Variants in GALNTL6 observed in about 807,000 individuals in gnomAD.
GALNTL6 encodes the protein polypeptide N-acetylgalactosaminyltransferase like 6.
GALNTL6 carries 46 observed loss-of-function variants against 73.7 expected under a neutral mutation model. That is an observed-to-expected ratio of 0.62 (90% CI 0.49 to 0.80). The LOEUF (loss-of-function observed/expected upper bound fraction) is 0.80, where lower values mean the gene tolerates loss of function less well. GALNTL6 is among the 30% of genes least tolerant of loss of function. The pLI is 0.00. For synonymous variants in GALNTL6, 259 were observed against 263.7 expected (o/e 0.98, Z 0.17); for missense variants, 604 against 755.0 (o/e 0.80, Z 2.34).
chr4:172,477,142 G>A (rs1170246691), intron 5 of GALNTL6, among the ~76,000 whole-genome samples: 1 of 150,726 alleles, frequency 6.6e-6, no homozygotes, highest in Admixed American at 6.6e-5. Context: ...AGCCAGGATG[G>A]TCTCAATAAT....
At chr4:172,990,439 A>C (rs951643041) in intron 10 of GALNTL6, among the ~76,000 whole-genome samples, 2 of 152,220 alleles carry the variant, frequency 1.3e-5, no homozygotes, top group African/African-American at 2.4e-5. Context: ...CAGTATGTCA[A>C]GCAGTAAGTC....
intron 8 of GALNTL6, among the ~76,000 whole-genome samples, chr4:172,896,611 G>A (rs1473455018): frequency 1.3e-5 from 2 of 152,240 alleles, no homozygotes; most frequent in Non-Finnish European, 2.9e-5. Context: ...TTGAGACTGG[G>A]ATCCCTCAGG....
At chr4:172,261,874 C>A (rs917515727) in intron 3 of GALNTL6, among the ~76,000 whole-genome samples, 4 of 151,268 alleles carry the variant, frequency 2.6e-5, no homozygotes, top group African/African-American at 9.7e-5. Context: ...CATTCGAGAG[C>A]AGATTATTTA....
chr4:172,072,406 T>A (rs1015415633), intron 2 of GALNTL6, among the ~76,000 whole-genome samples: 4 of 152,152 alleles, frequency 2.6e-5, no homozygotes, highest in African/African-American at 9.7e-5. Context: ...TTTCATGCAG[T>A]TTCATATCTT....
At chr4:172,285,887 A>C (rs1453831379) in intron 3 of GALNTL6, among the ~76,000 whole-genome samples, 1 of 152,208 alleles carries the variant, frequency 6.6e-6, no homozygotes, top group Non-Finnish European at 1.5e-5. Context: ...ATTGCCTTTA[A>C]CATTTGTCAA....
intron 5 of GALNTL6, among the ~76,000 whole-genome samples, chr4:172,417,255 C>T (rs1267579911): frequency 6.6e-6 from 1 of 151,476 alleles, no homozygotes; most frequent in African/African-American, 2.4e-5. Context: ...CTTTTTGTTT[C>T]TTTCAAAGAC....
At chr4:172,855,724 C>T (rs1744089564) in intron 7 of GALNTL6, among the ~76,000 whole-genome samples, 1 of 152,198 alleles carries the variant, frequency 6.6e-6, no homozygotes, top group African/African-American at 2.4e-5. Context: ...TTTCTACCAA[C>T]ACCCCAGAAT....
intron 2 of GALNTL6, among the ~76,000 whole-genome samples, chr4:172,210,886 C>T (rs1471248252): frequency 1.3e-5 from 2 of 152,146 alleles, no homozygotes; most frequent in Non-Finnish European, 2.9e-5. Context: ...TCAGTATAGT[C>T]TCACAGACAT....
chr4:172,069,403 TAA>T lies in GALNTL6; in HGVS notation c.139-160252_139-160251del, dbSNP rs1181151025. Among the ~76,000 whole-genome samples the T allele has an allele frequency of 2.0e-5, 2 of 99,224 alleles. 1 individual carries two copies. The highest frequency in any genetic ancestry group is 7.6e-5 in the African/African-American group (2 of 26,204). The allele number at this position is 99,224 out of a possible 152,430, so 65.1% of individuals were successfully genotyped here. ...TGTGTGTGTACATATGTGTTATATA[TAA>T]CACATATATGTTATATATAACACAC... On this transcript the variant is annotated intron_variant, in intron 2 of 12. Transcript: ENST00000506823.
In GALNTL6 at chr4:172,244,912, A is replaced by G. The variant is rs77082181; in HGVS notation, c.247+15148A>G. 1.7e-3 allele frequency among the ~76,000 whole-genome samples: 257 copies of G among 152,260 alleles called. 8 individuals carry two copies. The East Asian group carries it at 0.046, about 27-fold the overall frequency. On this transcript the variant is annotated intron_variant, in intron 3 of 12. Coordinates refer to ENST00000506823, the MANE Select transcript of GALNTL6 (RefSeq NM_001034845.3). Reference sequence around the variant, plus strand: ...GCAAAAATCCCTTTCATGTGTTAGTAGTTGTGATTACTATCAAATTGTTTC... The same window carrying G: ...GCAAAAATCCCTTTCATGTGTTAGTGGTTGTGATTACTATCAAATTGTTTC...
intron 2 of GALNTL6, among the ~76,000 whole-genome samples, chr4:172,157,312 G>A (rs1020056680): frequency 2.0e-5 from 3 of 152,216 alleles, no homozygotes; most frequent in Admixed American, 1.3e-4. Flanking sequence ...GTGGTGACTA[G>A]GATTTGTTTT....
chr4:172,966,703 T>C (rs1343611028), intron 10 of GALNTL6, among the ~76,000 whole-genome samples: 1 of 152,204 alleles, frequency 6.6e-6, no homozygotes, highest in African/African-American at 2.4e-5. Flanking sequence ...AGGGAGTCAA[T>C]TCTAAGACTA....
chr4:171,938,767 A>G (rs1418837314), intron 2 of GALNTL6, among the ~76,000 whole-genome samples: 2 of 152,162 alleles, frequency 1.3e-5, no homozygotes, highest in African/African-American at 2.4e-5. Context: ...AGAATTTCCT[A>G]TTTTGCAAAG....
intron 12 of GALNTL6, among the ~76,000 whole-genome samples, chr4:173,037,312 C>T (rs1409422260): frequency 6.6e-6 from 1 of 152,164 alleles, no homozygotes; most frequent in African/African-American, 2.4e-5. Context: ...GGAGAGGCTC[C>T]AGAGATTTAT....
intron 2 of GALNTL6, among the ~76,000 whole-genome samples, chr4:172,035,492 C>G (rs1027280575): frequency 6.6e-6 from 1 of 151,994 alleles, no homozygotes; most frequent in Non-Finnish European, 1.5e-5. Flanking sequence ...TAAAACAATA[C>G]ATTTGTGTTT....
At chr4:172,157,560 AGAC>A (rs1218029880) in intron 2 of GALNTL6, among the ~76,000 whole-genome samples, 1 of 152,194 alleles carries the variant, frequency 6.6e-6, no homozygotes, top group African/African-American at 2.4e-5. Context: ...CAAGGTTAGA[AGAC>A]AAGTCAATTT....
At chr4:172,778,804 G>T (rs187011014) in intron 5 of GALNTL6, among the ~76,000 whole-genome samples, 6 of 152,138 alleles carry the variant, frequency 3.9e-5, no homozygotes, top group Non-Finnish European at 8.8e-5. Context: ...AAAAAGTCAG[G>T]CACAGTCCCT....
intron 10 of GALNTL6, among the ~76,000 whole-genome samples, chr4:172,996,989 T>A (rs1179545477): frequency 6.6e-6 from 1 of 152,206 alleles, no homozygotes; most frequent in Non-Finnish European, 1.5e-5. Flanking sequence ...TAACCAGGTC[T>A]TCTTCTTCAG....
At chr4:172,040,651 C>T (rs898737732) in intron 2 of GALNTL6, among the ~76,000 whole-genome samples, 7 of 151,980 alleles carry the variant, frequency 4.6e-5, no homozygotes, top group African/African-American at 1.4e-4. Context: ...CTTACGATGA[C>T]GCTTCAACAT....
Sources: gnomAD v4.1 joint callset for allele counts (sites outside exome capture counted in the v4.1 genomes callset) on GRCh38, gnomAD v4.1.1 for gene constraint, MANE v1.5 for transcripts, NCBI Gene and HGNC (gene_info 2026-07-23, HGNC 2026-07-21) for gene names.